Variants in ZNF705A observed in about 807,000 individuals in gnomAD.
ZNF705A encodes the protein zinc finger protein 705A.
ZNF705A carries 8 observed loss-of-function variants against 16.6 expected under a neutral mutation model. The ratio of observed to expected loss-of-function variants is 0.48; its 90% CI spans 0.28 to 0.87. ZNF705A has a LOEUF of 0.87. ZNF705A is among the 40% of genes least tolerant of loss of function. The pLI is 0.10. For missense variants in ZNF705A, 233 were observed against 359.9 expected, an observed-to-expected ratio of 0.65 and a Z score of 2.85; for synonymous variants, 73 against 117.3, an observed-to-expected ratio of 0.62 and a Z score of 2.44.
At chr12:8,175,986 A>T (rs1273551567) in intron 4 of ZNF705A, 44 bp downstream of exon 5, 9 of 1,609,034 alleles carry the variant, frequency 5.6e-6, no homozygotes, top group East Asian at 2.2e-5. Flanking sequence ...AGTTAAAGAC[A>T]TGGTAATGGG....
intron 1 of ZNF705A, among the ~76,000 whole-genome samples, chr12:8,158,017 T>G (rs1317651389): frequency 6.6e-6 from 1 of 152,148 alleles, no homozygotes; most frequent in Non-Finnish European, 1.5e-5. Flanking sequence ...AGTGATTGGC[T>G]ATAAATAATT....
exon 5 of ZNF705A, chr12:8,177,665 T>C (rs1014540306): frequency 6.4e-7 from 1 of 1,574,718 alleles, no homozygotes; most frequent in Non-Finnish European, 8.6e-7. Context: ...TAGTCTTAAA[T>C]AGCATCAGAA....
exon 5 of ZNF705A, chr12:8,178,662 C>G (rs764356946): frequency 6.6e-6 from 1 of 152,216 alleles, no homozygotes; most frequent in South Asian, 2.1e-4. Context: ...GTAAAGTGAC[C>G]AGGGAATAAA....
At chr12:8,165,392 C>T (rs756548135) in intron 1 of ZNF705A, among the ~76,000 whole-genome samples, 1 of 148,258 alleles carries the variant, frequency 6.7e-6, no homozygotes, top group Non-Finnish European at 1.5e-5. Context: ...ACACCATTCT[C>T]CTGCCTCAGC....
At chr12:8,168,093 C>A (rs1200093345), upstream of ZNF705A, among the ~76,000 whole-genome samples, 2 of 152,306 alleles carry the variant, frequency 1.3e-5, no homozygotes, top group South Asian at 4.1e-4. Context: ...GCTTTCTTTC[C>A]TTTTCCGGTG....
intron 1 of ZNF705A, among the ~76,000 whole-genome samples, chr12:8,161,162 C>T (rs895626089): frequency 6.6e-6 from 1 of 152,150 alleles, no homozygotes. Flanking sequence ...ATCCCTGCAT[C>T]TCTGGTATGA....
At chr12:8,163,259 T>A (rs1948371877) in intron 1 of ZNF705A, among the ~76,000 whole-genome samples, 1 of 152,150 alleles carries the variant, frequency 6.6e-6, no homozygotes, top group African/African-American at 2.4e-5. Context: ...ATGCAGAAAA[T>A]CAACTGGGAG....
upstream of ZNF705A, among the ~76,000 whole-genome samples, chr12:8,167,590 G>C (rs1207453411): frequency 2.0e-5 from 3 of 152,122 alleles, no homozygotes; most frequent in African/African-American, 7.2e-5. Flanking sequence ...GACTTGCCTT[G>C]GAAGGTAGAT....
At chr12:8,161,273 T>C (rs770946636) in intron 1 of ZNF705A, among the ~76,000 whole-genome samples, 16 of 152,126 alleles carry the variant, frequency 1.1e-4, no homozygotes, top group Non-Finnish European at 1.3e-4. Context: ...TCTTTTTTGG[T>C]TAAGTTCTTT....
At chr12:8,176,765 T>C (rs1309118080) in intron 4 of ZNF705A, among the ~76,000 whole-genome samples, 3 of 152,124 alleles carry the variant, frequency 2.0e-5, no homozygotes, top group Non-Finnish European at 4.4e-5. Context: ...GCCGTATTAT[T>C]TAGGAACCAG....
intron 1 of ZNF705A, among the ~76,000 whole-genome samples, chr12:8,163,476 A>C (rs528881748): frequency 2.0e-4 from 31 of 152,134 alleles, no homozygotes; most frequent in Non-Finnish European, 3.7e-4. Context: ...ACCTTTTTTC[A>C]TTGCTTATTA....
rs146753396 is a variant in ZNF705A, at chr12:8,177,141, G to A, written c.461G>A (p.Arg154His). 82 of 1,611,948 alleles carry A rather than the reference G, an allele frequency of 5.1e-5. No individual in the cohort carries two copies. In the African/African-American group the frequency reaches 7.5e-4, roughly 15 times the overall value. The change falls in exon 5 of 5, where the codon CGT becomes CAT. Residue 154 changes from arginine to histidine, a missense_variant. By Grantham distance (29) the Arg-to-His change is conservative (BLOSUM62 0). Transcript: ENST00000359286. ...AGCAAACAGTGTGGAAAATCTCTTC[G>A]TAATCTTTTCTCCCCTAAACCACAT...
At chr12:8,169,205 T>C (rs1254376367), upstream of ZNF705A, among the ~76,000 whole-genome samples, 4 of 152,248 alleles carry the variant, frequency 2.6e-5, no homozygotes, top group African/African-American at 4.8e-5. Flanking sequence ...GTGTTCATTA[T>C]GCACTTTAAA....
At chr12:8,169,733 GGAACTTGAGACCT>G (rs1425212729), upstream of ZNF705A, among the ~76,000 whole-genome samples, 1 of 152,202 alleles carries the variant, frequency 6.6e-6, no homozygotes, top group East Asian at 1.9e-4. Context: ...TTGTTGTCCA[GGAACTTGAGACCT>G]AATACTGCAT....
Position 8,157,107 on chromosome 12 carries a change from T to G in ZNF705A, c.-72+15T>G, listed in dbSNP as rs970132151. Reference sequence around the variant, plus strand: ...TCCGCTTAAAGGTATAACTTTGCCATGAGTAATCAGACTTCCTGTTCTAAT... The same window carrying G: ...TCCGCTTAAAGGTATAACTTTGCCAGGAGTAATCAGACTTCCTGTTCTAAT... On this transcript the variant is annotated intron_variant, in intron 1 of 5. Coordinates refer to the ZNF705A transcript ENST00000396570. 3 of 397,780 alleles carry G rather than the reference T, an allele frequency of 7.5e-6. No homozygotes were observed. The highest frequency in any genetic ancestry group is 6.2e-5 in the African/African-American group (3 of 48,600). The allele number at this position is 397,780 out of a possible 1,614,324, so 24.6% of individuals were successfully genotyped here.
intron 1 of ZNF705A, among the ~76,000 whole-genome samples, chr12:8,165,198 G>C (rs531115224): frequency 2.6e-5 from 4 of 151,598 alleles, no homozygotes; most frequent in Non-Finnish European, 5.9e-5. Flanking sequence ...CTGATGATTA[G>C]AGATGGTAAG....
chr12:8,158,399 T>C (rs942879240), intron 1 of ZNF705A, among the ~76,000 whole-genome samples: 6 of 152,154 alleles, frequency 3.9e-5, no homozygotes, highest in Non-Finnish European at 7.4e-5. Flanking sequence ...TATGTTCTCC[T>C]TTGTGTCTGG....
chr12:8,174,328 G>A, exon 2 of ZNF705A: 1 of 1,596,164 alleles, frequency 6.3e-7, no homozygotes, highest in Non-Finnish European at 8.5e-7. Flanking sequence ...TGTTTTAGAA[G>A]AAAGTGACTT....
upstream of ZNF705A, among the ~76,000 whole-genome samples, chr12:8,170,179 A>C (rs1948433275): frequency 7.3e-6 from 1 of 137,926 alleles, no homozygotes; most frequent in African/African-American, 3.2e-5. Context: ...ACAAGAGCGA[A>C]ACTCTCCCCC....
Sources: allele counts gnomAD v4.1 joint callset (sites outside exome capture counted in the v4.1 genomes callset), GRCh38; gene constraint gnomAD v4.1.1; transcripts MANE v1.5; gene names NCBI Gene and HGNC (gene_info 2026-07-23, HGNC 2026-07-21).